PTPRN2: variants seen among roughly 807,000 people sequenced by gnomAD.
PTPRN2 encodes the protein protein tyrosine phosphatase receptor type N2, also known as receptor-type tyrosine-protein phosphatase N2.
A neutral mutation model predicts 118.8 loss-of-function variants in PTPRN2; 74 were observed. The ratio of observed to expected loss-of-function variants is 0.62; its 90% CI spans 0.52 to 0.76. The LOEUF is 0.76. Among genes scored for constraint, PTPRN2 ranks in the 30% least tolerant of loss-of-function variants. The pLI is 0.00. For missense variants in PTPRN2, 1,481 were observed against 1,394.4 expected, an observed-to-expected ratio of 1.06 and a Z score of -0.99; for synonymous variants, 641 against 608.0, an observed-to-expected ratio of 1.05 and a Z score of -0.80.
chr7:158,020,968 G>A (rs118053046), intron 11 of PTPRN2, among the ~76,000 whole-genome samples: 8 of 152,120 alleles, frequency 5.3e-5, no homozygotes, highest in African/African-American at 9.6e-5. Context: ...CGGGTCAGAC[G>A]GTTTTTGCTT....
chr7:157,982,004 A>C (rs1425718097), intron 11 of PTPRN2, among the ~76,000 whole-genome samples: 2 of 147,628 alleles, frequency 1.4e-5, no homozygotes, highest in Non-Finnish European at 1.5e-5. Context: ...AGTCATAGAG[A>C]CAAGGAGGGG....
intron 11 of PTPRN2, among the ~76,000 whole-genome samples, chr7:157,937,376 C>T (rs564488231): frequency 3.9e-5 from 6 of 152,262 alleles, no homozygotes; most frequent in Middle Eastern, 3.4e-3. Context: ...TAACTGAGCA[C>T]GTGGGGACTG....
intron 2 of PTPRN2, among the ~76,000 whole-genome samples, chr7:158,416,852 G>T (rs1201144402): frequency 6.6e-6 from 1 of 152,138 alleles, no homozygotes; most frequent in Non-Finnish European, 1.5e-5. Flanking sequence ...CACAGTAAAG[G>T]GACACTCAGA....
intron 2 of PTPRN2, among the ~76,000 whole-genome samples, chr7:158,365,527 G>A (rs568556390): frequency 1.3e-5 from 2 of 152,320 alleles, no homozygotes; most frequent in Admixed American, 6.5e-5. Context: ...GAAACAGCAC[G>A]TGCTCCAGCA....
chr7:157,919,985 A>C (rs954058135), intron 11 of PTPRN2, among the ~76,000 whole-genome samples: 1 of 152,202 alleles, frequency 6.6e-6, no homozygotes, highest in Non-Finnish European at 1.5e-5. Context: ...GTATAGTAAC[A>C]TGTTGTGCAG....
At chr7:157,706,100 G>C (rs116596567) in intron 12 of PTPRN2, among the ~76,000 whole-genome samples, 1 of 151,746 alleles carries the variant, frequency 6.6e-6, no homozygotes, top group South Asian at 2.1e-4. Context: ...GGTGCCTTCC[G>C]GATTAACGTG....
chr7:158,560,438 A>G (rs1474108772), intron 1 of PTPRN2, among the ~76,000 whole-genome samples: 1 of 152,240 alleles, frequency 6.6e-6, no homozygotes, highest in Non-Finnish European at 1.5e-5. Flanking sequence ...TAGGGGACAA[A>G]TGGGGGGTTT....
chr7:158,306,325 G>A (rs959433824), intron 3 of PTPRN2, among the ~76,000 whole-genome samples: 5 of 152,174 alleles, frequency 3.3e-5, no homozygotes, highest in African/African-American at 1.2e-4. Flanking sequence ...CTGTGTGCCT[G>A]CCCAGGCTGT....
chr7:158,423,269 G>C (rs1815411636), intron 2 of PTPRN2, among the ~76,000 whole-genome samples: 1 of 152,262 alleles, frequency 6.6e-6, no homozygotes, highest in Non-Finnish European at 1.5e-5. Flanking sequence ...TGCTGGGCCA[G>C]ACCTGAGCAG....
chr7:157,542,221 A>G (rs1320197531), intron 22 of PTPRN2, among the ~76,000 whole-genome samples: 2 of 152,176 alleles, frequency 1.3e-5, no homozygotes, highest in Non-Finnish European at 2.9e-5. Flanking sequence ...AGTGTGTTCG[A>G]TGAAGGTGCT....
At chr7:157,649,723 G>T (rs1347491545) in intron 14 of PTPRN2, among the ~76,000 whole-genome samples, 1 of 148,650 alleles carries the variant, frequency 6.7e-6, no homozygotes, top group African/African-American at 2.5e-5. Context: ...CGGTGGGTCG[G>T]ACCCATTCAC....
chr7:158,138,624 G>T, intron 6 of PTPRN2, 109 bp from the exon 7 acceptor site: 1 of 934,772 alleles, frequency 1.1e-6, no homozygotes, highest in Non-Finnish European at 1.6e-6. Flanking sequence ...CAAGGCAGTG[G>T]CCACCTAGGG....
intron 12 of PTPRN2, among the ~76,000 whole-genome samples, chr7:157,698,723 T>G (rs192322667): frequency 1.5e-4 from 23 of 152,372 alleles, no homozygotes; most frequent in African/African-American, 5.5e-4. Context: ...TAGATTCTAG[T>G]ATAGAGGATC....
chr7:158,153,307 C>T (rs888178758), intron 6 of PTPRN2, among the ~76,000 whole-genome samples: 1 of 152,198 alleles, frequency 6.6e-6, no homozygotes, highest in Admixed American at 6.5e-5. Context: ...TACACTAAGG[C>T]AAGAACCCAG....
intron 12 of PTPRN2, among the ~76,000 whole-genome samples, chr7:157,870,416 A>G (rs1382329663): frequency 6.6e-6 from 1 of 152,226 alleles, no homozygotes; most frequent in Non-Finnish European, 1.5e-5. Context: ...TGTTGTCCCT[A>G]TAAACTTTTC....
At chr7:158,205,331 T>C in intron 3 of PTPRN2, 58 bp from the exon 4 acceptor site, 3 of 1,284,592 alleles carry the variant, frequency 2.3e-6, no homozygotes, top group Non-Finnish European at 3.4e-6. Context: ...CCAAAGCTCT[T>C]GCTTCAGTCT....
At chr7:158,394,245 G>A (rs557760450) in intron 2 of PTPRN2, among the ~76,000 whole-genome samples, 1 of 151,984 alleles carries the variant, frequency 6.6e-6, no homozygotes, top group Admixed American at 6.5e-5. Context: ...GTTCCCTGTG[G>A]ACCACTGGCC....
In PTPRN2 at chr7:157,801,048, TATATACACATATATATACAC is replaced by T. The variant is rs1344798730; in HGVS notation, c.1788+97605_1788+97624del. 2.7e-5 allele frequency among the ~76,000 whole-genome samples: 4 copies of T among 147,308 alleles called. No homozygotes were observed. The highest frequency in any genetic ancestry group is 7.6e-5 in the African/African-American group (3 of 39,432). The stretch of plus-strand genomic sequence containing the variant: ...ATATATATACACATATATATACACA[TATATACACATATATATACAC>T]ATATATATACACACACACACACATA... On this transcript the variant is annotated intron_variant, in intron 12 of 22. Coordinates refer to ENST00000389418, the MANE Select transcript of PTPRN2 (RefSeq NM_002847.5). The surrounding 1 kb of genome is among the most constrained non-coding windows in gnomAD (Gnocchi z 4.2).
At chr7:157,913,580 C>T (rs1798214759) in intron 11 of PTPRN2, among the ~76,000 whole-genome samples, 1 of 152,178 alleles carries the variant, frequency 6.6e-6, no homozygotes. Flanking sequence ...TTACTTTATT[C>T]AACATTTTTA....
Sources: allele counts gnomAD v4.1 joint callset (sites outside exome capture counted in the v4.1 genomes callset), GRCh38; gene constraint gnomAD v4.1.1; non-coding constraint Gnocchi (gnomAD v3.1); transcripts MANE v1.5; gene names NCBI Gene and HGNC (gene_info 2026-07-23, HGNC 2026-07-21).